The following MEIS2 variants were observed in gnomAD, a reference collection of about 807,000 sequenced individuals.
MEIS2 encodes homeobox protein Meis2.
In MEIS2, 9 loss-of-function variants were observed where a neutral mutation model predicts 58.6. The ratio of observed to expected loss-of-function variants is 0.15; its 90% CI spans 0.09 to 0.27. MEIS2 has a LOEUF of 0.27. Among genes scored for constraint, MEIS2 ranks in the 10% least tolerant of loss-of-function variants. The pLI, the probability that MEIS2 is intolerant of heterozygous loss-of-function variation, is 1.00. For synonymous variants in MEIS2, 221 were observed against 228.4 expected (o/e 0.97, Z 0.29); for missense variants, 427 against 635.0 (o/e 0.67, Z 3.52).
At chr15:37,051,518 C>T (rs74365572) in intron 7 of MEIS2, among the ~76,000 whole-genome samples, 2,563 of 152,112 alleles carry the variant, frequency 0.017, 68 homozygotes, top group African/African-American at 0.056. Context: ...ATGATGGAAT[C>T]GTGTAGTATC....
rs1894850769 is a variant in MEIS2 at position 37,099,548 on chromosome 15, T to C, written c.-82A>G. On this transcript the variant is annotated 5_prime_UTR_variant, in exon 1 of 12. Transcript: ENST00000561208. Reference sequence around the variant, plus strand: ...ATAAGAAAGTGATCTAGGCTGAAGATTCCTTTTTTTTTTTTCCAAACCAAA... The same window carrying C: ...ATAAGAAAGTGATCTAGGCTGAAGACTCCTTTTTTTTTTTTCCAAACCAAA... 2.5e-6 allele frequency: 4 copies of C among 1,568,980 alleles called. No individual in the cohort carries two copies. Among genetic ancestry groups the C allele is most frequent in the African/African-American group, 1.4e-5 (1 of 72,408 alleles).
chr15:37,068,823 TTA>T (rs1215131884), intron 7 of MEIS2, among the ~76,000 whole-genome samples: 1 of 152,150 alleles, frequency 6.6e-6, no homozygotes, highest in Non-Finnish European at 1.5e-5. Context: ...GGTAGAGATG[TTA>T]TATAAGGTAG....
At chr15:36,935,270 C>T (rs1400825870) in intron 9 of MEIS2, among the ~76,000 whole-genome samples, 1 of 150,796 alleles carries the variant, frequency 6.6e-6, no homozygotes, top group Non-Finnish European at 1.5e-5. Context: ...TTTGTTCAGC[C>T]TCCCTCCCCA....
chr15:36,998,971 T>C (rs1346882330), intron 8 of MEIS2, among the ~76,000 whole-genome samples: 2 of 152,244 alleles, frequency 1.3e-5, no homozygotes, highest in Non-Finnish European at 2.9e-5. Flanking sequence ...TGCTCTTTCT[T>C]AGGATTTCTT....
At chr15:36,980,719 A>G (rs2059904701) in intron 8 of MEIS2, among the ~76,000 whole-genome samples, 1 of 152,084 alleles carries the variant, frequency 6.6e-6, no homozygotes, top group South Asian at 2.1e-4. Context: ...TCTTACACTA[A>G]AATTTTTAAT....
intron 8 of MEIS2, among the ~76,000 whole-genome samples, chr15:36,968,039 C>A (rs1446333930): frequency 6.6e-6 from 1 of 152,170 alleles, no homozygotes; most frequent in Non-Finnish European, 1.5e-5. Flanking sequence ...ACATGCTGAG[C>A]TTGTATAAGG....
intron 9 of MEIS2, among the ~76,000 whole-genome samples, chr15:36,944,907 A>G (rs1223892976): frequency 1.3e-5 from 2 of 152,028 alleles, no homozygotes; most frequent in Non-Finnish European, 2.9e-5. Context: ...AAAAGTGTCC[A>G]GCTGTCTCTG....
chr15:37,067,357 C>T (rs1031958153), intron 7 of MEIS2, among the ~76,000 whole-genome samples: 2 of 151,976 alleles, frequency 1.3e-5, no homozygotes, highest in African/African-American at 2.4e-5. Flanking sequence ...ACATTATCAC[C>T]TTATGCCTTC....
chr15:37,096,766 C>T (rs1894305829), intron 2 of MEIS2, among the ~76,000 whole-genome samples: 1 of 152,132 alleles, frequency 6.6e-6, no homozygotes, highest in African/African-American at 2.4e-5. Flanking sequence ...TTCTGATCCA[C>T]TCCCCACACT....
At chr15:37,075,510 T>C (rs1471233224) in intron 7 of MEIS2, among the ~76,000 whole-genome samples, 1 of 152,110 alleles carries the variant, frequency 6.6e-6, no homozygotes. Context: ...AGTTCATTTA[T>C]GTTCAGGCAC....
intron 7 of MEIS2, among the ~76,000 whole-genome samples, chr15:37,062,897 CAGAGA>C (rs1307056927): frequency 6.6e-6 from 1 of 152,186 alleles, no homozygotes; most frequent in East Asian, 1.9e-4. Flanking sequence ...GAAATGATGT[CAGAGA>C]AATGTTCATC....
intron 7 of MEIS2, among the ~76,000 whole-genome samples, chr15:37,082,570 T>G (rs1892374109): frequency 6.6e-6 from 1 of 152,130 alleles, no homozygotes; most frequent in African/African-American, 2.4e-5. Context: ...ATCTTTTATA[T>G]AGAAACTAAC....
At chr15:36,974,150 C>T (rs1393796516) in intron 8 of MEIS2, among the ~76,000 whole-genome samples, 1 of 152,126 alleles carries the variant, frequency 6.6e-6, no homozygotes, top group African/African-American at 2.4e-5. Flanking sequence ...TTGTGAAATG[C>T]CAGCTCTTCA....
At chr15:36,954,312 AT>A (rs1465077010) in intron 8 of MEIS2, among the ~76,000 whole-genome samples, 39 of 151,482 alleles carry the variant, frequency 2.6e-4, no homozygotes, top group Non-Finnish European at 4.9e-4. Context: ...CGCAAAAAAA[AT>A]CTGGAAAAAT....
At position 37,098,383 on chromosome 15, in the gene MEIS2, A is replaced by G. The variant is rs1356432621; in HGVS notation, c.13-184T>C. The stretch of plus-strand genomic sequence containing the variant: ...AGGAGGAAAAGGAGGAGAGGGGGAG[A>G]GAGAGAGAGAGAGAGAGAGAGAGAG... On this transcript the variant is annotated intron_variant, in intron 1 of 11. Transcript: ENST00000561208. 1,499 of 498,540 alleles carry G rather than the reference A, an allele frequency of 3.0e-3. 3 individuals carry two copies. Among genetic ancestry groups the G allele is most frequent in the African/African-American group, 4.7e-3 (94 of 19,998 alleles). 30.9% of individuals were successfully genotyped at this position (498,540 alleles called of 1,614,324 possible).
chr15:36,913,210 G>C (rs185422888), intron 9 of MEIS2, among the ~76,000 whole-genome samples: 46 of 152,300 alleles, frequency 3.0e-4, no homozygotes, highest in African/African-American at 1.0e-3. Flanking sequence ...CTCCTGTTTA[G>C]AGTGGATGCT....
At chr15:37,055,923 GA>G (rs1888337187) in intron 7 of MEIS2, among the ~76,000 whole-genome samples, 1 of 152,116 alleles carries the variant, frequency 6.6e-6, no homozygotes, top group African/African-American at 2.4e-5. Context: ...AGCACATTGG[GA>G]CTTCTAAATT....
At chr15:37,055,644 T>C (rs1385825898) in intron 7 of MEIS2, among the ~76,000 whole-genome samples, 1 of 152,216 alleles carries the variant, frequency 6.6e-6, no homozygotes, top group East Asian at 1.9e-4. Context: ...TCCTTCTCCT[T>C]GAACAAATGC....
intron 7 of MEIS2, among the ~76,000 whole-genome samples, chr15:37,038,882 A>G (rs1417899689): frequency 6.6e-6 from 1 of 152,158 alleles, no homozygotes; most frequent in Non-Finnish European, 1.5e-5. Context: ...CACGCTTTCC[A>G]CCATGCCAAG....
Sources: gnomAD v4.1 joint callset for allele counts (sites outside exome capture counted in the v4.1 genomes callset) on GRCh38, gnomAD v4.1.1 for gene constraint, MANE v1.5 for transcripts, NCBI Gene and HGNC (gene_info 2026-07-23, HGNC 2026-07-21) for gene names.